SASH1: variants seen among roughly 807,000 people sequenced by gnomAD.
The protein encoded by SASH1 is SAM and SH3 domain containing 1, also known as SAM and SH3 domain-containing protein 1.
SASH1 carries 44 observed loss-of-function variants against 125.2 expected under a neutral mutation model. The ratio of observed to expected loss-of-function variants is 0.35; its 90% CI spans 0.28 to 0.45. SASH1 has a LOEUF of 0.45. Ranked by LOEUF, SASH1 falls within the 20% of genes least tolerant of loss-of-function variation. The probability of loss-of-function intolerance (pLI) is 1.00; values close to 1 mark genes in which losing one functional copy is unlikely to be tolerated. For missense variants in SASH1, 1,426 were observed against 1,614.5 expected, an observed-to-expected ratio of 0.88 and a Z score of 2.00; for synonymous variants, 639 against 649.1, an observed-to-expected ratio of 0.98 and a Z score of 0.24.
chr6:148,405,575 G>GCTA (rs1784342302), intron 2 of SASH1, among the ~76,000 whole-genome samples: 1 of 151,940 alleles, frequency 6.6e-6, no homozygotes, highest in Non-Finnish European at 1.5e-5. Flanking sequence ...CTTCTTCCTT[G>GCTA]CTACCTCTGG....
At chr6:148,214,275 G>T in the SASH1 span, among the ~76,000 whole-genome samples, 3 of 152,158 alleles carry the variant, frequency 2.0e-5, no homozygotes, top group Admixed American at 2.0e-4. Context: ...AAATAGGCAT[G>T]TTCGTACAAA....
At chr6:148,277,466 C>G (rs1289098473) in intron 1 of SASH1, among the ~76,000 whole-genome samples, 1 of 152,214 alleles carries the variant, frequency 6.6e-6, no homozygotes, top group Admixed American at 6.5e-5. Flanking sequence ...TGGTCAAACT[C>G]TCTGGGGAGA....
chr6:148,510,067 A>G (rs891965066), intron 8 of SASH1, among the ~76,000 whole-genome samples: 1 of 152,192 alleles, frequency 6.6e-6, no homozygotes, highest in African/African-American at 2.4e-5. Context: ...TCAATTTGTT[A>G]TGGTTTAAAA....
chr6:148,362,180 G>A (rs1310606271), intron 1 of SASH1, among the ~76,000 whole-genome samples: 4 of 150,802 alleles, frequency 2.7e-5, no homozygotes, highest in Non-Finnish European at 1.5e-5. Flanking sequence ...GCCCACCTTG[G>A]CCTCCCAAAG....
At chr6:148,332,748 A>G (rs1781032348) in intron 1 of SASH1, among the ~76,000 whole-genome samples, 1 of 152,072 alleles carries the variant, frequency 6.6e-6, no homozygotes, top group Non-Finnish European at 1.5e-5. Flanking sequence ...GCGCTTTGGG[A>G]GGCTGAGGCG....
intron 4 of SASH1, among the ~76,000 whole-genome samples, chr6:148,441,793 C>T (rs544709372): frequency 4.6e-5 from 7 of 152,258 alleles, no homozygotes; most frequent in African/African-American, 1.7e-4. Context: ...GTACTTCTTC[C>T]CCTCAATTGT....
intron 8 of SASH1, among the ~76,000 whole-genome samples, chr6:148,506,480 A>T (rs1033970397): frequency 1.3e-5 from 2 of 152,108 alleles, no homozygotes; most frequent in Non-Finnish European, 2.9e-5. Context: ...ATCTCAAATA[A>T]TAATATTAAT....
intron 8 of SASH1, among the ~76,000 whole-genome samples, chr6:148,491,395 G>A (rs1455977307): frequency 2.6e-5 from 4 of 152,166 alleles, no homozygotes; most frequent in Admixed American, 6.5e-5. Flanking sequence ...TCAGTGTCCC[G>A]ATTAGCTGGG....
chr6:148,536,003 A>AG (rs1341102298), intron 16 of SASH1, among the ~76,000 whole-genome samples: 1 of 152,240 alleles, frequency 6.6e-6, no homozygotes, highest in African/African-American at 2.4e-5. Flanking sequence ...GGTAAGCTAG[A>AG]GAAACACACA....
chr6:148,451,819 C>T (rs1777112688), intron 4 of SASH1, among the ~76,000 whole-genome samples: 1 of 152,206 alleles, frequency 6.6e-6, no homozygotes, highest in Admixed American at 6.5e-5. Flanking sequence ...GCTAGGAAAT[C>T]CAGGTCAAGC....
intron 8 of SASH1, among the ~76,000 whole-genome samples, chr6:148,506,352 G>A (rs1779802699): frequency 6.6e-6 from 1 of 151,894 alleles, no homozygotes. Flanking sequence ...GCGGGTGCCT[G>A]TAATCCCAGC....
At chr6:148,372,901 A>C (rs1395297969) in intron 1 of SASH1, among the ~76,000 whole-genome samples, 2 of 152,174 alleles carry the variant, frequency 1.3e-5, no homozygotes, top group East Asian at 3.9e-4. Flanking sequence ...AATGGTAAGA[A>C]GAAATATAAG....
the SASH1 span, among the ~76,000 whole-genome samples, chr6:148,246,374 T>C: frequency 1.3e-5 from 2 of 152,234 alleles, no homozygotes; most frequent in African/African-American, 4.8e-5. Context: ...AGTGGGGTAA[T>C]GTTTATGTGT....
intron 2 of SASH1, among the ~76,000 whole-genome samples, chr6:148,416,494 G>GAGC (rs1461542297): frequency 6.6e-6 from 1 of 152,110 alleles, no homozygotes; most frequent in Non-Finnish European, 1.5e-5. Context: ...TTGCAGCGTG[G>GAGC]AGCACCATGT....
At chr6:148,486,751 C>CAA (rs58789520) in intron 7 of SASH1, among the ~76,000 whole-genome samples, 2 of 76,996 alleles carry the variant, frequency 2.6e-5, no homozygotes, top group African/African-American at 9.7e-5. Flanking sequence ...CCCATCTCTA[C>CAA]AAAAAAAAAA....
At chr6:148,456,489 C>T (rs1777359032) in intron 4 of SASH1, among the ~76,000 whole-genome samples, 1 of 152,224 alleles carries the variant, frequency 6.6e-6, no homozygotes, top group South Asian at 2.1e-4. Flanking sequence ...ATTTATTACA[C>T]ATATGCAGGA....
intron 1 of SASH1, among the ~76,000 whole-genome samples, chr6:148,307,992 G>C (rs1397618569): frequency 1.3e-5 from 2 of 152,188 alleles, no homozygotes; most frequent in African/African-American, 4.8e-5. Context: ...ACACGGAAGA[G>C]AGACAGCCTG....
rs142954274 is a variant in SASH1, at chr6:148,383,348, T to G, written c.157-6786T>G. 3.7e-3 allele frequency among the ~76,000 whole-genome samples: 560 copies of G among 152,282 alleles called. 2 individuals carry two copies. The highest frequency in any genetic ancestry group is 0.013 in the African/African-American group (531 of 41,560). Reference sequence around the variant, plus strand: ...TTAGCTTAGAGGGGATGTATATATCTCCATCCATCCCTCTTCAAACAAGGA... The same window carrying G: ...TTAGCTTAGAGGGGATGTATATATCGCCATCCATCCCTCTTCAAACAAGGA... On this transcript the variant is annotated intron_variant, in intron 1 of 19. Coordinates refer to ENST00000367467, the MANE Select transcript of SASH1 (RefSeq NM_015278.5).
intron 7 of SASH1, among the ~76,000 whole-genome samples, chr6:148,477,305 AAACT>A (rs1195764932): frequency 6.6e-5 from 10 of 152,258 alleles, no homozygotes; most frequent in Non-Finnish European, 1.3e-4. Flanking sequence ...AAATATTTGC[AAACT>A]AACCGTCTGA....
Sources: gnomAD v4.1 joint callset for allele counts (sites outside exome capture counted in the v4.1 genomes callset) on GRCh38, gnomAD v4.1.1 for gene constraint, MANE v1.5 for transcripts, NCBI Gene and HGNC (gene_info 2026-07-23, HGNC 2026-07-21) for gene names.